Variants in TRMT9B observed in about 807,000 individuals in gnomAD.
TRMT9B encodes tRNA methyltransferase 9B (putative).
In TRMT9B, 16 loss-of-function variants were observed where a neutral mutation model predicts 11.5. The ratio of observed to expected loss-of-function variants is 1.39; its 90% CI spans 0.94 to 2.11. The LOEUF is 2.11. Among genes scored for constraint, TRMT9B ranks in the 30% most tolerant of loss-of-function variants. The probability of loss-of-function intolerance (pLI) is 0.00; values close to 1 mark genes in which losing one functional copy is unlikely to be tolerated. For synonymous variants in TRMT9B, 274 were observed against 192.4 expected (o/e 1.42, Z -3.51); for missense variants, 941 against 553.8 (o/e 1.70, Z -7.02).
chr8:13,021,913 T>C lies in TRMT9B; in HGVS notation c.1234T>C (p.Tyr412His), dbSNP rs1324398943. 18 of 1,613,696 alleles carry C rather than the reference T, an allele frequency of 1.1e-5. No homozygotes were observed. Among genetic ancestry groups the C allele is most frequent in the East Asian group, 1.1e-4 (5 of 44,886 alleles). Reference sequence around the variant, plus strand: ...GGACTCCACAGCCTTTATGCGCTACTACCATGTGTTTCGAGAAGGGGAGCT... The same window carrying C: ...GGACTCCACAGCCTTTATGCGCTACCACCATGTGTTTCGAGAAGGGGAGCT... ...VLDSTAFMRY[Y>H]HVFREGELCS... The change falls in exon 5 of 5, where the codon TAC (tyrosine) becomes CAC (histidine). Residue 412 changes from tyrosine to histidine, a missense_variant. Physicochemically the swap from Tyr to His is moderately conservative, Grantham distance 83. Transcript: ENST00000524591.
intron 4 of TRMT9B, among the ~76,000 whole-genome samples, chr8:13,016,829 T>C (rs12677990): frequency 0.32 from 46,842 of 148,094 alleles, 8,719 homozygotes; most frequent in Middle Eastern, 0.54. Context: ...TGTTTATGTA[T>C]GTACGTGTAA....
intron 1 of TRMT9B, among the ~76,000 whole-genome samples, chr8:12,988,930 T>G (rs2128877521): frequency 6.6e-6 from 1 of 152,344 alleles, no homozygotes; most frequent in East Asian, 1.9e-4. Context: ...TTTAATTTTC[T>G]GTTTATTTGT....
intron 2 of TRMT9B, 63 bp from the exon 3 acceptor site, chr8:13,006,139 C>A: frequency 1.3e-6 from 2 of 1,512,672 alleles, no homozygotes; most frequent in Non-Finnish European, 9.1e-7. Context: ...TCTGCATCCT[C>A]CTTCAGCCAT....
rs184737550 is a variant in TRMT9B at position 12,965,998 on chromosome 8, G to C, written c.-200+20032G>C. 5.1e-3 allele frequency among the ~76,000 whole-genome samples: 767 copies of C among 150,914 alleles called. 6 individuals carry two copies. The highest frequency in any genetic ancestry group is 0.018 in the African/African-American group (722 of 41,064). On this transcript the variant is annotated intron_variant, in intron 1 of 4. Transcript: ENST00000524591. Reference sequence around the variant, plus strand: ...ACCGCACCCCAGCCTGGGTGACAGAGCAAGACTCTGTCTCAAAAAGAAAAA... The same window carrying C: ...ACCGCACCCCAGCCTGGGTGACAGACCAAGACTCTGTCTCAAAAAGAAAAA...
intron 4 of TRMT9B, among the ~76,000 whole-genome samples, chr8:13,013,964 AT>A (rs1252957935): frequency 1.6e-4 from 24 of 152,350 alleles, no homozygotes; most frequent in African/African-American, 5.1e-4. Context: ...AATAAAAAAA[AT>A]AAAAACTATT....
intron 1 of TRMT9B, among the ~76,000 whole-genome samples, chr8:12,972,078 T>C (rs1803725392): frequency 6.6e-6 from 1 of 152,154 alleles, no homozygotes; most frequent in African/African-American, 2.4e-5. Context: ...GAAAACCCCA[T>C]CAGTTATGTT....
At chr8:12,990,803 T>G in intron 1 of TRMT9B, 31 bp from the exon 2 acceptor site, 4 of 1,271,080 alleles carry the variant, frequency 3.1e-6, no homozygotes, top group African/African-American at 1.5e-5. Context: ...CCATGTGAAA[T>G]GACATTTAGT....
intron 1 of TRMT9B, among the ~76,000 whole-genome samples, chr8:12,975,520 T>A (rs928239354): frequency 2.0e-4 from 31 of 152,204 alleles, no homozygotes; most frequent in African/African-American, 7.5e-4. Context: ...GCAGATCACT[T>A]GAGGCCAGGA....
At chr8:12,954,290 G>C (rs144900766) in intron 1 of TRMT9B, among the ~76,000 whole-genome samples, 1 of 152,286 alleles carries the variant, frequency 6.6e-6, no homozygotes, top group East Asian at 1.9e-4. Context: ...ATGCTTAAAT[G>C]CATTTCACTT....
chr8:12,947,257 C>T (rs906557095), intron 1 of TRMT9B, among the ~76,000 whole-genome samples: 2 of 152,198 alleles, frequency 1.3e-5, no homozygotes, highest in African/African-American at 2.4e-5. Flanking sequence ...CTGGAACACA[C>T]CTCACAATTT....
chr8:12,986,185 C>G (rs1213690110), intron 1 of TRMT9B, among the ~76,000 whole-genome samples: 2 of 152,084 alleles, frequency 1.3e-5, no homozygotes, highest in Non-Finnish European at 2.9e-5. Flanking sequence ...AAATGAAGTT[C>G]TCCTGAGATT....
chr8:12,971,828 T>C (rs1235368107), intron 1 of TRMT9B, among the ~76,000 whole-genome samples: 4 of 152,222 alleles, frequency 2.6e-5, no homozygotes, highest in Non-Finnish European at 5.9e-5. Flanking sequence ...TGTTTAAATA[T>C]TTCCTATTTA....
intron 3 of TRMT9B, among the ~76,000 whole-genome samples, chr8:13,009,529 C>G (rs967571797): frequency 1.1e-4 from 17 of 152,142 alleles, no homozygotes; most frequent in Non-Finnish European, 2.5e-4. Context: ...ACACCAGAGG[C>G]CTCTGACGCT....
At chr8:12,979,735 A>G (rs185066135) in intron 1 of TRMT9B, among the ~76,000 whole-genome samples, 1 of 152,290 alleles carries the variant, frequency 6.6e-6, no homozygotes, top group African/African-American at 2.4e-5. Context: ...GAATCTTCAT[A>G]TTTATCTTGG....
Position 13,022,552 on chromosome 8 carries a change from C to T in TRMT9B, c.*508C>T, listed in dbSNP as rs1015607819. The T allele has an allele frequency of 6.0e-6, 1 of 167,070 alleles. No homozygotes were observed. The highest frequency in any genetic ancestry group is 2.4e-5 in the African/African-American group (1 of 41,422). 10.3% of individuals were successfully genotyped at this position (167,070 alleles called of 1,614,324 possible). On this transcript the variant is annotated 3_prime_UTR_variant, in exon 5 of 5. Transcript: ENST00000524591. Reference sequence around the variant, plus strand: ...GAGTTATCTTGTTGCCAAGGCCTTGCTTCTACTTAAAGTTTTCAGAAAACT... The same window carrying T: ...GAGTTATCTTGTTGCCAAGGCCTTGTTTCTACTTAAAGTTTTCAGAAAACT...
chr8:12,972,624 C>G (rs1390479504), intron 1 of TRMT9B, among the ~76,000 whole-genome samples: 3 of 152,070 alleles, frequency 2.0e-5, no homozygotes, highest in Non-Finnish European at 4.4e-5. Context: ...AGTAAACTAG[C>G]AGTGCTGTTT....
Position 13,018,857 on chromosome 8 carries a change from T to C in TRMT9B, c.329-2151T>C, listed in dbSNP as rs200224349. On this transcript the variant is annotated intron_variant, in intron 4 of 4. Transcript: ENST00000524591. ...AGGCTTAGAAACACTAAATAATACC[T>C]CAACACTATGTTTGGAGGCGATTTC... 5.9e-5 allele frequency among the ~76,000 whole-genome samples: 9 copies of C among 152,314 alleles called. No individual in the cohort carries two copies. In the East Asian group the frequency reaches 1.7e-3, roughly 29 times the overall value.
chr8:12,948,666 G>T (rs114905565), intron 1 of TRMT9B, among the ~76,000 whole-genome samples: 8,332 of 151,804 alleles, frequency 0.055, 363 homozygotes, highest in African/African-American at 0.11. Context: ...TGTAACATTA[G>T]AAAAAAACAG....
intron 1 of TRMT9B, among the ~76,000 whole-genome samples, chr8:12,980,544 C>G (rs144672420): frequency 6.6e-6 from 1 of 152,066 alleles, no homozygotes; most frequent in African/African-American, 2.4e-5. Flanking sequence ...GGTTCTGCAT[C>G]CCCCCAGCAC....
Sources: gnomAD v4.1 joint callset for allele counts (sites outside exome capture counted in the v4.1 genomes callset) on GRCh38, gnomAD v4.1.1 for gene constraint, MANE v1.5 for transcripts, NCBI Gene and HGNC (gene_info 2026-07-23, HGNC 2026-07-21) for gene names.